The following PCDHGA5 variants were observed in gnomAD, a reference collection of about 807,000 sequenced individuals.
PCDHGA5 encodes protocadherin gamma-A5.
In PCDHGA5, 36 loss-of-function variants were observed where a neutral mutation model predicts 56.7. The observed-to-expected ratio is 0.64, with a 90% confidence interval of 0.49 to 0.84. The LOEUF is 0.84. PCDHGA5 is among the 40% of genes least tolerant of loss of function. PCDHGA5 has a pLI of 0.00. For synonymous variants in PCDHGA5, 563 were observed against 520.2 expected (o/e 1.08, Z -1.12); for missense variants, 1,305 against 1,201.5 (o/e 1.09, Z -1.27).
At position 141,461,820 on chromosome 5, in the gene PCDHGA5, AT is replaced by A. The variant is rs1458631685; in HGVS notation, c.2422-32978del. Among the ~76,000 whole-genome samples the A allele has an allele frequency of 8.1e-5, 12 of 147,918 alleles. 1 individual carries two copies. In the South Asian group the frequency reaches 1.3e-3, roughly 16 times the overall value. On this transcript the variant is annotated intron_variant, in intron 1 of 3. Transcript: ENST00000518069. ...AGGTGCCCACCACCACACCCAGCTAATTTTTTTTTCTTTTTTTTTTGAGACA... is the reference window on the plus strand; with the variant it reads ...AGGTGCCCACCACCACACCCAGCTAATTTTTTTTCTTTTTTTTTTGAGACA...
chr5:141,462,336 T>C (rs2099037439), intron 1 of PCDHGA5, among the ~76,000 whole-genome samples: 1 of 152,238 alleles, frequency 6.6e-6, no homozygotes, highest in African/African-American at 2.4e-5. Flanking sequence ...TTTAATTGTA[T>C]TGTGATCCAA....
intron 1 of PCDHGA5, among the ~76,000 whole-genome samples, chr5:141,474,926 C>T (rs756761848): frequency 1.3e-5 from 2 of 152,218 alleles, no homozygotes; most frequent in Non-Finnish European, 2.9e-5. Context: ...TCATCTCTGG[C>T]TTATATCACA....
chr5:141,398,189 T>A (rs926901002), intron 1 of PCDHGA5: 41 of 1,482,238 alleles, frequency 2.8e-5, no homozygotes, highest in Non-Finnish European at 3.5e-5. Context: ...TTTCTCTTCC[T>A]GCTGTCTTTG....
rs61612330 is a variant in PCDHGA5 at position 141,454,796 on chromosome 5, A to ATTTTTTTTTTTTTTTTTTTTTTTTT, written c.2422-40006_2422-39982dup. ...AAGGAAATAATCCTCCATGGTTCTA[A>ATTTTTTTTTTTTTTTTTTTTTTTTT]TTTTTTTTTTTTTTTTTTTTTTTTT... On this transcript the variant is annotated intron_variant, in intron 1 of 3. Coordinates refer to ENST00000518069, the MANE Select transcript of PCDHGA5 (RefSeq NM_018918.3). Among the ~76,000 whole-genome samples, 7 of 77,408 alleles carry ATTTTTTTTTTTTTTTTTTTTTTTTT rather than the reference A, an allele frequency of 9.0e-5. 1 individual carries two copies. Among genetic ancestry groups the ATTTTTTTTTTTTTTTTTTTTTTTTT allele is most frequent in the East Asian group, 4.0e-4 (1 of 2,514 alleles). 50.8% of individuals were successfully genotyped at this position (77,408 alleles called of 152,430 possible). A position where few individuals can be genotyped will look rare whatever the true frequency, so the allele number is the denominator to read the frequency against.
Position 141,491,574 on chromosome 5 carries a change from T to G in PCDHGA5, c.2422-3233T>G. Reference sequence around the variant, plus strand: ...AGAGCCACTGCTACAGGACGTGCTTTTCACCGGCCTCGGACGGCAGTGACT... The same window carrying G: ...AGAGCCACTGCTACAGGACGTGCTTGTCACCGGCCTCGGACGGCAGTGACT... On this transcript the variant is annotated intron_variant, in intron 1 of 3. Transcript: ENST00000518069. This position sits in a 1 kb window ranked among gnomAD's most constrained non-coding sequence, Gnocchi z 6.9. The G allele has an allele frequency of 6.2e-7, 1 of 1,613,956 alleles. No homozygotes were observed. Among genetic ancestry groups the G allele is most frequent in the Non-Finnish European group, 8.5e-7 (1 of 1,180,032 alleles).
intron 1 of PCDHGA5, chr5:141,375,437 T>G (rs763678633): frequency 3.1e-6 from 5 of 1,613,964 alleles, no homozygotes; most frequent in Non-Finnish European, 4.2e-6. Flanking sequence ...CCCGCCCACC[T>G]TCCCCCATTC....
intron 1 of PCDHGA5, chr5:141,419,043 ATTC>A (rs560207463): frequency 6.2e-5 from 100 of 1,613,840 alleles, no homozygotes; most frequent in Non-Finnish European, 8.1e-5. Context: ...TTTAAGATTC[ATTC>A]TTCTTCTAAT....
rs888457230 is a variant in PCDHGA5, at chr5:141,493,727, C to T, written c.2422-1080C>T. On this transcript the variant is annotated intron_variant, in intron 1 of 3. Transcript: ENST00000518069. This position sits in a 1 kb window ranked among gnomAD's most constrained non-coding sequence, Gnocchi z 4.3. ...TGGAATGCTAGGTTTCTGGGTTCTG[C>T]TCATATCACTGCCACCTGTGAGCCT... Among the ~76,000 whole-genome samples, 2 of 152,184 alleles carry T rather than the reference C, an allele frequency of 1.3e-5. No homozygotes were observed. Among genetic ancestry groups the T allele is most frequent in the Admixed American group, 6.5e-5 (1 of 15,280 alleles).
chr5:141,408,437 G>A (rs368564960), intron 1 of PCDHGA5: 1 of 1,614,068 alleles, frequency 6.2e-7, no homozygotes, highest in Admixed American at 1.7e-5. Flanking sequence ...CAGCGTAGAC[G>A]CGGAGAGCGG....
Position 141,393,093 on chromosome 5 carries a change from G to A in PCDHGA5, c.2421+26342G>A, listed in dbSNP as rs781611512. On this transcript the variant is annotated intron_variant, in intron 1 of 3. Coordinates refer to ENST00000518069, the MANE Select transcript of PCDHGA5 (RefSeq NM_018918.3). The stretch of plus-strand genomic sequence containing the variant: ...CACCGCGGGCAGGATAGATCGGGAG[G>A]AGCTCTGCGCTCAGAGCCCGCGGTG... 138 of 1,613,502 alleles carry A rather than the reference G, an allele frequency of 8.6e-5. No individual in the cohort carries two copies. The highest frequency in any genetic ancestry group is 1.2e-4 in the Non-Finnish European group (136 of 1,179,914).
chr5:141,383,911 T>C, intron 1 of PCDHGA5: 1 of 1,613,926 alleles, frequency 6.2e-7, no homozygotes, highest in Non-Finnish European at 8.5e-7. Context: ...GATCACAGTT[T>C]TAGATGTAAA....
chr5:141,413,089 C>CTT, intron 1 of PCDHGA5: 1 of 1,401,124 alleles, frequency 7.1e-7, no homozygotes, highest in South Asian at 1.4e-5. Flanking sequence ...TACAGAGACA[C>CTT]CCTGAAGCCA....
At position 141,486,266 on chromosome 5, in the gene PCDHGA5, C is replaced by A; in HGVS notation, c.2422-8541C>A. On this transcript the variant is annotated intron_variant, in intron 1 of 3. Coordinates refer to ENST00000518069, the MANE Select transcript of PCDHGA5 (RefSeq NM_018918.3). The surrounding 1 kb of genome is among the most constrained non-coding windows in gnomAD (Gnocchi z 5.0). ...TGGAACCCTCCCCGAGAGTGCAGAA[C>A]CTGGCACTGTGGTGGCACTTATCAG... The A allele has an allele frequency of 1.9e-6, 3 of 1,614,098 alleles. No homozygotes were observed. Among genetic ancestry groups the A allele is most frequent in the Admixed American group, 3.3e-5 (2 of 60,016 alleles).
intron 1 of PCDHGA5, chr5:141,416,674 G>T (rs547618174): frequency 6.6e-6 from 1 of 152,132 alleles, no homozygotes; most frequent in Non-Finnish European, 1.5e-5. Context: ...TATATGCAAC[G>T]AAGGGAAATT....
intron 1 of PCDHGA5, chr5:141,388,397 A>G (rs375367492): frequency 2.9e-4 from 463 of 1,613,838 alleles, no homozygotes; most frequent in Non-Finnish European, 3.7e-4. Context: ...AGAATTACCA[A>G]CTCAGTCCCA....
intron 1 of PCDHGA5, chr5:141,478,520 G>C (rs1474701976): frequency 1.2e-6 from 2 of 1,610,510 alleles, no homozygotes; most frequent in East Asian, 4.5e-5. Context: ...GCAGGTGTTG[G>C]GTGCAGAGAG....
intron 1 of PCDHGA5, chr5:141,400,041 G>T (rs1354740714): frequency 1.2e-6 from 2 of 1,613,566 alleles, no homozygotes; most frequent in South Asian, 2.2e-5. Context: ...GCCAGCGCCT[G>T]CTGGTTGCTG....
intron 1 of PCDHGA5, chr5:141,389,735 G>A: frequency 6.2e-7 from 1 of 1,612,708 alleles, no homozygotes; most frequent in Non-Finnish European, 8.5e-7. Flanking sequence ...TCTTCAGCCT[G>A]GGGCTGCGCA....
rs539072548 is a variant in PCDHGA5 at position 141,421,546 on chromosome 5, A to G, written c.2421+54795A>G. 4.3e-6 allele frequency: 7 copies of G among 1,613,896 alleles called. No homozygotes were observed. The South Asian group carries it at 4.4e-5, about 10-fold the overall frequency. ...GACGGTGTCCTCCTGTTTTTTAAAT[A>G]TGGAACTTCTCGTGGAAGACACCTT... On this transcript the variant is annotated intron_variant, in intron 1 of 3. Transcript: ENST00000518069.
Sources: allele counts gnomAD v4.1 joint callset (sites outside exome capture counted in the v4.1 genomes callset), GRCh38; gene constraint gnomAD v4.1.1; non-coding constraint Gnocchi (gnomAD v3.1); transcripts MANE v1.5; gene names NCBI Gene and HGNC (gene_info 2026-07-23, HGNC 2026-07-21).